The following TMEM132E variants were observed in gnomAD, a reference collection of about 807,000 sequenced individuals.
The protein encoded by TMEM132E is transmembrane protein 132E.
A neutral mutation model predicts 78.5 loss-of-function variants in TMEM132E; 49 were observed. That is an observed-to-expected ratio of 0.62 (90% CI 0.50 to 0.79). TMEM132E has a LOEUF of 0.79. Ranked by LOEUF, TMEM132E falls within the 30% of genes least tolerant of loss-of-function variation. The probability of loss-of-function intolerance (pLI) is 0.00; values close to 1 mark genes in which losing one functional copy is unlikely to be tolerated. For missense variants in TMEM132E, 1,403 were observed against 1,470.9 expected (o/e 0.95, Z 0.75); for synonymous variants, 715 against 670.6 (o/e 1.07, Z -1.02).
chr17:34,618,032 C>T (rs989592597), intron 1 of TMEM132E, among the ~76,000 whole-genome samples: 1 of 152,174 alleles, frequency 6.6e-6, no homozygotes, highest in African/African-American at 2.4e-5. Context: ...GTTTAATGCC[C>T]TGCTTTGTTA....
chr17:34,607,844 C>T (rs968855740), intron 1 of TMEM132E, among the ~76,000 whole-genome samples: 19 of 152,150 alleles, frequency 1.2e-4, no homozygotes, highest in Middle Eastern at 6.8e-3. Context: ...GAAAGGGTCC[C>T]GAGTGCAGGA....
intron 1 of TMEM132E, among the ~76,000 whole-genome samples, chr17:34,604,933 T>C (rs766389529): frequency 2.6e-5 from 4 of 152,172 alleles, no homozygotes; most frequent in Non-Finnish European, 4.4e-5. Context: ...TAAACAACTT[T>C]CTCAAGGTCA....
chr17:34,620,663 C>G (rs572743975), intron 1 of TMEM132E, among the ~76,000 whole-genome samples: 1 of 152,244 alleles, frequency 6.6e-6, no homozygotes, highest in East Asian at 1.9e-4. Flanking sequence ...AGATCACATG[C>G]GTTTCACTCA....
intron 1 of TMEM132E, among the ~76,000 whole-genome samples, chr17:34,606,506 C>T (rs1052010333): frequency 1.3e-5 from 2 of 152,184 alleles, no homozygotes; most frequent in African/African-American, 4.8e-5. Context: ...AACCACAAAG[C>T]AAGAGCTGGG....
At chr17:34,634,769 A>G (rs1328719881) in intron 6 of TMEM132E, 30 bp from the exon 7 acceptor site, 1 of 1,588,370 alleles carries the variant, frequency 6.3e-7, no homozygotes, top group Non-Finnish European at 8.6e-7. Flanking sequence ...CCAGGTGAGA[A>G]GCCTTCAGCA....
chr17:34,596,616 C>A (rs1458809692), intron 1 of TMEM132E, among the ~76,000 whole-genome samples: 1 of 152,058 alleles, frequency 6.6e-6, no homozygotes, highest in Non-Finnish European at 1.5e-5. Context: ...TGTGTCTTAG[C>A]CCTTGGTCCA....
intron 1 of TMEM132E, among the ~76,000 whole-genome samples, chr17:34,609,530 C>T (rs1406887028): frequency 1.3e-5 from 2 of 152,160 alleles, no homozygotes; most frequent in Non-Finnish European, 2.9e-5. Context: ...GCCCTATGCA[C>T]CAGCCCCATG....
In TMEM132E at chr17:34,628,595, G is replaced by A. The variant is rs531076160; in HGVS notation, c.1031G>A (p.Gly344Asp). Residue 344 changes from glycine to aspartate, a missense_variant, in exon 3 of 9, where the codon GGT becomes GAT. Around this residue, in one of 3 missense-constraint regions of TMEM132E, gnomAD observed 511 missense variants for 499.0 expected, o/e 1.02. Transcript: ENST00000631683. ...GCCAAGAAGGGTGTGACCCTTTTAG[G>A]TACCAAGTCACGGAGTGGCCAGTGG... Reference protein sequence around the residue: ...VKAKKGVTLLGTKSRSGQWHV... With the variant: ...VKAKKGVTLLDTKSRSGQWHV... 1.9e-6 allele frequency: 3 copies of A among 1,613,978 alleles called. No individual in the cohort carries two copies. The highest frequency in any genetic ancestry group is 2.2e-5 in the East Asian group (1 of 44,860).
intron 1 of TMEM132E, among the ~76,000 whole-genome samples, chr17:34,581,863 T>G (rs1597672589): frequency 6.8e-6 from 1 of 146,968 alleles, no homozygotes; most frequent in African/African-American, 2.5e-5. Context: ...GTAAAGGGGG[T>G]GGGAGAAGGA....
At chr17:34,611,779 G>C (rs1906601654) in intron 1 of TMEM132E, among the ~76,000 whole-genome samples, 1 of 152,186 alleles carries the variant, frequency 6.6e-6, no homozygotes, top group Non-Finnish European at 1.5e-5. Context: ...CAAAGACTAA[G>C]TGTCTTGAAT....
intron 1 of TMEM132E, among the ~76,000 whole-genome samples, chr17:34,588,726 C>T (rs998354997): frequency 2.6e-5 from 4 of 152,146 alleles, no homozygotes; most frequent in Non-Finnish European, 5.9e-5. Flanking sequence ...TCAAAGGCAA[C>T]GAGTGGTTTT....
In TMEM132E at chr17:34,638,861, C is replaced by T. The variant is rs1169397023; in HGVS notation, c.*629C>T. On this transcript the variant is annotated 3_prime_UTR_variant, in exon 9 of 9. Transcript: ENST00000631683. ...CTCTACAGAGAGGTCTGGTGCCAAG[C>T]CAGGCACCTTCCTGAGTTCTCAGGA... is the stretch of plus-strand genomic sequence containing the variant. The T allele has an allele frequency of 1.3e-5, 2 of 152,418 alleles. No individual in the cohort carries two copies. The highest frequency in any genetic ancestry group is 2.9e-5 in the Non-Finnish European group (2 of 68,054). The allele number at this position is 152,418 out of a possible 1,614,324, so 9.4% of individuals were successfully genotyped here.
chr17:34,608,925 G>A (rs1388289106), intron 1 of TMEM132E, among the ~76,000 whole-genome samples: 4 of 152,134 alleles, frequency 2.6e-5, no homozygotes, highest in Non-Finnish European at 5.9e-5. Flanking sequence ...TTCCCATCTA[G>A]CACTCGCAGC....
At chr17:34,625,551 C>G (rs1907088223) in intron 1 of TMEM132E, among the ~76,000 whole-genome samples, 1 of 152,148 alleles carries the variant, frequency 6.6e-6, no homozygotes, top group African/African-American at 2.4e-5. Context: ...AGGATTGGCA[C>G]TCAAAAAGGA....
chr17:34,632,883 G>A lies in TMEM132E; in HGVS notation c.1662G>A (p.Trp554Ter). ...SDARLSQVKG[W>*]RVPILPDRRS... ...CCCGCCTCAGCCAAGTGAAGGGCTG[G>A]AGGGTACCTATCCTCCCCGACCGGA... is the stretch of plus-strand genomic sequence containing the variant. Residue 554 changes from tryptophan to a stop codon, truncating the protein, a stop_gained, in exon 6 of 9, where the codon TGG becomes TGA. Coordinates refer to ENST00000631683, the MANE Select transcript of TMEM132E (RefSeq NM_001304438.2). LOFTEE classifies it high-confidence loss of function. 1 of 1,614,210 alleles carries A rather than the reference G, an allele frequency of 6.2e-7. No individual in the cohort carries two copies. The highest frequency in any genetic ancestry group is 8.5e-7 in the Non-Finnish European group (1 of 1,180,038).
At chr17:34,637,006 GAACAGT>G (rs1381571797) in intron 8 of TMEM132E, among the ~76,000 whole-genome samples, 165 bp from the exon 9 acceptor site, 1 of 152,154 alleles carries the variant, frequency 6.6e-6, no homozygotes, top group Non-Finnish European at 1.5e-5. Context: ...ACTCTCACTT[GAACAGT>G]AGTTCCTGAA....
rs1907394897 is a variant in TMEM132E at position 34,632,818 on chromosome 17, T to C, written c.1597T>C (p.Trp533Arg). 3 of 1,614,112 alleles carry C rather than the reference T, an allele frequency of 1.9e-6. No homozygotes were observed. Among genetic ancestry groups the C allele is most frequent in the Non-Finnish European group, 2.5e-6 (3 of 1,180,052 alleles). ...CAATGCTCCCCTGGAAATGACAGTC[T>C]GGGTCCCCAAGCTGCCCTTGCACAT... ...VLNAPLEMTV[W>R]VPKLPLHIEL... Residue 533 changes from tryptophan (W) to arginine (R), a missense_variant, in exon 6 of 9, where the codon TGG becomes CGG. This residue lies in a region of TMEM132E where 888 missense variants were observed against 952.8 expected (regional missense o/e 0.93). Transcript: ENST00000631683.
At chr17:34,628,760 AG>A (rs1480704369) in intron 3 of TMEM132E, 51 bp downstream of exon 3, 1 of 1,516,054 alleles carries the variant, frequency 6.6e-7, no homozygotes, top group East Asian at 2.4e-5. Flanking sequence ...CAGCCATCTG[AG>A]AGGAGTGGGG....
chr17:34,597,390 G>C lies in TMEM132E; in HGVS notation c.67+16247G>C, dbSNP rs1401220065. Reference sequence around the variant, plus strand: ...ATAGAGCCTCATTTATTTTACCCCAGGTTAGAAATCTAGGTCCTGATTCCT... The same window carrying C: ...ATAGAGCCTCATTTATTTTACCCCACGTTAGAAATCTAGGTCCTGATTCCT... On this transcript the variant is annotated intron_variant, in intron 1 of 8. Coordinates refer to ENST00000631683, the MANE Select transcript of TMEM132E (RefSeq NM_001304438.2). Among the ~76,000 whole-genome samples the C allele has an allele frequency of 2.0e-5, 3 of 152,026 alleles. 1 individual carries two copies. Among genetic ancestry groups the C allele is most frequent in the Admixed American group, 2.0e-4 (3 of 15,272 alleles).
Sources: allele counts gnomAD v4.1 joint callset (sites outside exome capture counted in the v4.1 genomes callset), GRCh38; gene constraint gnomAD v4.1.1; regional missense constraint gnomAD v4.1.1; transcripts MANE v1.5; gene names NCBI Gene and HGNC (gene_info 2026-07-23, HGNC 2026-07-21).